The following KLF7 variants were observed in gnomAD, a reference collection of about 807,000 sequenced individuals.
The protein encoded by KLF7 is Krueppel-like factor 7.
KLF7 carries 2 observed loss-of-function variants against 27.3 expected under a neutral mutation model. The ratio of observed to expected loss-of-function variants is 0.07; its 90% CI spans 0.03 to 0.23. The LOEUF is 0.23. Ranked by LOEUF, KLF7 falls within the 10% of genes least tolerant of loss-of-function variation. KLF7 has a pLI of 1.00. For missense variants in KLF7, 221 were observed against 394.1 expected (o/e 0.56, Z 3.72); for synonymous variants, 165 against 162.4 (o/e 1.02, Z -0.12).
intron 1 of KLF7, among the ~76,000 whole-genome samples, chr2:207,140,675 T>A (rs1329177987): frequency 2.0e-5 from 3 of 152,180 alleles, no homozygotes; most frequent in Non-Finnish European, 4.4e-5. Context: ...GGGCACAATT[T>A]ACACTTGGCC....
chr2:207,094,033 T>A (rs1410925034), intron 2 of KLF7, among the ~76,000 whole-genome samples: 1 of 152,240 alleles, frequency 6.6e-6, no homozygotes, highest in Non-Finnish European at 1.5e-5. Flanking sequence ...ATATCCCCTC[T>A]GGGAAGCAAA....
intron 2 of KLF7, among the ~76,000 whole-genome samples, chr2:207,114,843 T>C (rs1294057414): frequency 6.6e-6 from 1 of 152,226 alleles, no homozygotes; most frequent in Non-Finnish European, 1.5e-5. Context: ...AAATGATTGA[T>C]AGCTTTTATC....
At chr2:207,127,942 T>A (rs1392178216) in intron 1 of KLF7, among the ~76,000 whole-genome samples, 2 of 152,192 alleles carry the variant, frequency 1.3e-5, no homozygotes. Context: ...GAAATAAATG[T>A]GTATATCCAT....
At chr2:207,164,512 A>G (rs983282568) in intron 1 of KLF7, among the ~76,000 whole-genome samples, 9 of 139,474 alleles carry the variant, frequency 6.5e-5, no homozygotes, top group African/African-American at 1.1e-4. Context: ...ATCGCTGCTG[A>G]AAAAAACCAC....
intron 1 of KLF7, among the ~76,000 whole-genome samples, chr2:207,151,356 A>G (rs2078241804): frequency 2.0e-5 from 3 of 151,784 alleles, no homozygotes; most frequent in Admixed American, 2.0e-4. Context: ...TTAAATAATG[A>G]TCTCTGAAGC....
intron 1 of KLF7, chr2:207,134,145 G>C: frequency 1.3e-5 from 19 of 1,472,518 alleles, no homozygotes; most frequent in Non-Finnish European, 1.7e-5. Flanking sequence ...GCTGACTCGG[G>C]CTACTGGGAT....
intron 1 of KLF7, among the ~76,000 whole-genome samples, chr2:207,132,368 T>C (rs1395891264): frequency 2.0e-5 from 3 of 152,254 alleles, no homozygotes. Context: ...CCTCTGGTAA[T>C]TTGTAAATTT....
chr2:207,104,271 G>C (rs1264604461), intron 2 of KLF7, among the ~76,000 whole-genome samples: 1 of 152,190 alleles, frequency 6.6e-6, no homozygotes, highest in East Asian at 1.9e-4. Flanking sequence ...ACGAGTGGCA[G>C]AATCAATCTC....
At chr2:207,154,494 A>C (rs2078328451) in intron 1 of KLF7, among the ~76,000 whole-genome samples, 1 of 152,306 alleles carries the variant, frequency 6.6e-6, no homozygotes, top group South Asian at 2.1e-4. Context: ...CAAATTACTT[A>C]ATGAAAGTTT....
At chr2:207,127,345 T>C (rs2077508914) in intron 1 of KLF7, among the ~76,000 whole-genome samples, 1 of 152,184 alleles carries the variant, frequency 6.6e-6, no homozygotes, top group African/African-American at 2.4e-5. Flanking sequence ...ACTTCTTATA[T>C]CTGCTGGAGA....
chr2:207,105,693 T>C (rs1298226343), intron 2 of KLF7, among the ~76,000 whole-genome samples: 2 of 152,152 alleles, frequency 1.3e-5, no homozygotes, highest in Non-Finnish European at 2.9e-5. Context: ...GGTGAGGTCC[T>C]CTCATCCCTC....
At chr2:207,142,243 A>G (rs2077963629) in intron 1 of KLF7, among the ~76,000 whole-genome samples, 1 of 152,174 alleles carries the variant, frequency 6.6e-6, no homozygotes, top group Admixed American at 6.5e-5. Flanking sequence ...GGTGACTGGG[A>G]GATTGGTAGA....
At chr2:207,153,825 T>C (rs574595971) in intron 1 of KLF7, among the ~76,000 whole-genome samples, 2 of 152,314 alleles carry the variant, frequency 1.3e-5, no homozygotes, top group South Asian at 4.1e-4. Flanking sequence ...CAATGGGACT[T>C]TCCTTCCCTG....
chr2:207,155,445 T>A (rs974747659), intron 1 of KLF7, among the ~76,000 whole-genome samples: 2 of 152,192 alleles, frequency 1.3e-5, no homozygotes, highest in African/African-American at 4.8e-5. Context: ...AATTCTGTAA[T>A]ATCTGTCTGC....
rs201111809 is a variant in KLF7, at chr2:207,089,701, CTGTG to C, written c.734-1124_734-1121del. ...TGACCTTGGGCAGGTTAACAAACCTCTGTGTGTCTCTGTTTTCTTAGAGATAATA... is the reference window on the plus strand; with the variant it reads ...TGACCTTGGGCAGGTTAACAAACCTCTGTCTCTGTTTTCTTAGAGATAATA... On this transcript the variant is annotated intron_variant, in intron 2 of 3. Coordinates refer to ENST00000309446, the MANE Select transcript of KLF7 (RefSeq NM_003709.4). 4.3e-3 allele frequency among the ~76,000 whole-genome samples: 658 copies of C among 152,244 alleles called. 1 individual carries two copies. Among genetic ancestry groups the C allele is most frequent in the African/African-American group, 0.015 (620 of 41,532 alleles).
intron 3 of KLF7, among the ~76,000 whole-genome samples, chr2:207,083,056 T>C (rs1308778684): frequency 1.3e-5 from 2 of 152,216 alleles, no homozygotes; most frequent in Non-Finnish European, 2.9e-5. Flanking sequence ...TTATACCCAC[T>C]TACTTCCAGC....
intron 1 of KLF7, among the ~76,000 whole-genome samples, chr2:207,163,835 G>A (rs2078619065): frequency 6.6e-6 from 1 of 152,212 alleles, no homozygotes; most frequent in Non-Finnish European, 1.5e-5. Flanking sequence ...TATTTCAGAA[G>A]ATTTTGGTTT....
At position 207,080,147 on chromosome 2, in the gene KLF7, GATGA is replaced by G. The variant is rs1382849766; in HGVS notation, c.*1062_*1065del. 1 of 152,206 alleles carries G rather than the reference GATGA, an allele frequency of 6.6e-6. No individual in the cohort carries two copies. Among genetic ancestry groups the G allele is most frequent in the Non-Finnish European group, 1.5e-5 (1 of 68,038 alleles). The allele number at this position is 152,206 out of a possible 1,614,324, so 9.4% of individuals were successfully genotyped here. ...GCTGAGGTCATCATGCCTCAAGGAG[GATGA>G]GAGAACTGTGATGTCCCATCTGACT... On this transcript the variant is annotated 3_prime_UTR_variant, in exon 4 of 4. Coordinates refer to ENST00000309446, the MANE Select transcript of KLF7 (RefSeq NM_003709.4).
Position 207,079,385 on chromosome 2 carries a change from G to C in KLF7, c.*1828C>G, listed in dbSNP as rs1233606452. On this transcript the variant is annotated 3_prime_UTR_variant, in exon 4 of 4. Transcript: ENST00000309446. The stretch of plus-strand genomic sequence containing the variant: ...ATTTTAACAGTCAATGAGTCAAACA[G>C]TCAAAGGAGGACAGGAGGGGAGCCA... 6.6e-6 allele frequency: 1 copy of C among 152,254 alleles called. No homozygotes were observed. Among genetic ancestry groups the C allele is most frequent in the Non-Finnish European group, 1.5e-5 (1 of 68,064 alleles). 9.4% of individuals were successfully genotyped at this position (152,254 alleles called of 1,614,324 possible).
Sources: allele counts gnomAD v4.1 joint callset (sites outside exome capture counted in the v4.1 genomes callset), GRCh38; gene constraint gnomAD v4.1.1; transcripts MANE v1.5; gene names NCBI Gene and HGNC (gene_info 2026-07-23, HGNC 2026-07-21).